The following NXN variants were observed in gnomAD, a reference collection of about 807,000 sequenced individuals.
NXN encodes the protein nucleoredoxin 1.
Under a neutral mutation model 48.6 loss-of-function variants are expected in NXN, and 16 were observed. That is an observed-to-expected ratio of 0.33 (90% confidence interval 0.22 to 0.50). The LOEUF (loss-of-function observed/expected upper bound fraction) is 0.50, where lower values mean the gene tolerates loss of function less well. Ranked by LOEUF, NXN falls within the 20% of genes least tolerant of loss-of-function variation. The pLI is 0.98. For synonymous variants in NXN, 281 were observed against 269.6 expected (o/e 1.04, Z -0.41); for missense variants, 492 against 605.5 (o/e 0.81, Z 1.97).
chr17:904,325 G>T (rs1460789227), intron 1 of NXN, among the ~76,000 whole-genome samples: 1 of 152,138 alleles, frequency 6.6e-6, no homozygotes, highest in Non-Finnish European at 1.5e-5. Flanking sequence ...CGACAGACTG[G>T]CCCCAGTTTT....
intron 7 of NXN, 140 bp downstream of exon 7, chr17:803,542 A>G: frequency 9.6e-7 from 1 of 1,041,718 alleles, no homozygotes; most frequent in Non-Finnish European, 1.4e-6. Context: ...TTTCCTTGCC[A>G]CATTTGTCTG....
intron 1 of NXN, among the ~76,000 whole-genome samples, chr17:973,256 C>T (rs1315278173): frequency 1.3e-5 from 2 of 152,134 alleles, no homozygotes; most frequent in Admixed American, 6.5e-5. Flanking sequence ...AGAGCTGGGA[C>T]GGGAGGCAGG....
intron 1 of NXN, among the ~76,000 whole-genome samples, chr17:869,230 A>C (rs948687460): frequency 1.8e-4 from 27 of 152,258 alleles, no homozygotes; most frequent in African/African-American, 6.5e-4. Context: ...GGCAGCCCTT[A>C]CACACCCTGG....
intron 1 of NXN, among the ~76,000 whole-genome samples, chr17:975,813 C>T (rs1419690132): frequency 2.0e-5 from 3 of 152,188 alleles, no homozygotes; most frequent in South Asian, 2.1e-4. Context: ...CCAGTCTTGA[C>T]GAGTGAGTAA....
chr17:813,509 C>A (rs975421989), intron 5 of NXN, among the ~76,000 whole-genome samples: 5 of 152,240 alleles, frequency 3.3e-5, no homozygotes, highest in Admixed American at 1.3e-4. Context: ...AAGTGATATC[C>A]CTGGAATGAT....
intron 1 of NXN, among the ~76,000 whole-genome samples, chr17:934,974 C>T (rs114283241): frequency 0.015 from 2,046 of 140,448 alleles, 51 homozygotes; most frequent in African/African-American, 0.046. Context: ...TTTTGCTGTG[C>T]TCTTTATTTT....
chr17:864,403 G>A (rs976329531), intron 1 of NXN, among the ~76,000 whole-genome samples: 1 of 152,214 alleles, frequency 6.6e-6, no homozygotes, highest in Admixed American at 6.5e-5. Context: ...GTGTTCCCTA[G>A]TTCCATGTCC....
At chr17:898,059 A>T (rs1002100185) in intron 1 of NXN, among the ~76,000 whole-genome samples, 2 of 152,174 alleles carry the variant, frequency 1.3e-5, no homozygotes, top group Admixed American at 6.5e-5. Flanking sequence ...AGCAATGCTT[A>T]ATTTTCAAGT....
At chr17:858,598 G>C (rs1229632151) in intron 1 of NXN, among the ~76,000 whole-genome samples, 1 of 151,996 alleles carries the variant, frequency 6.6e-6, no homozygotes, top group African/African-American at 2.4e-5. Context: ...CATGGTGGCG[G>C]GCGCCTGTAG....
rs549173731 is a variant in NXN at position 863,248 on chromosome 17, G to A, written c.361-37170C>T. Among the ~76,000 whole-genome samples, 13 of 152,266 alleles carry A rather than the reference G, an allele frequency of 8.5e-5. No homozygotes were observed. The East Asian group carries it at 2.3e-3, about 27-fold the overall frequency. On this transcript the variant is annotated intron_variant, in intron 1 of 7. Coordinates refer to ENST00000336868, the MANE Select transcript of NXN (RefSeq NM_022463.5). ...TGCAGTGGCGCGATCTCAGCTCACT[G>A]CAACCTCCACCTGGGTTCAAGTGAT...
At chr17:864,225 C>T in intron 1 of NXN, 1 of 1,245,822 alleles carries the variant, frequency 8.0e-7, no homozygotes, top group South Asian at 1.5e-5. Context: ...ATTCATGGTA[C>T]TTGTCTTCAA....
At chr17:827,165 G>A (rs555602060) in intron 1 of NXN, among the ~76,000 whole-genome samples, 156 of 152,176 alleles carry the variant, frequency 1.0e-3, no homozygotes, top group Non-Finnish European at 1.9e-3. Context: ...GCAACATGGT[G>A]GAACCCCGTC....
chr17:812,346 A>C (rs1471296853), intron 5 of NXN, among the ~76,000 whole-genome samples: 1 of 152,210 alleles, frequency 6.6e-6, no homozygotes, highest in Admixed American at 6.5e-5. Flanking sequence ...GGCCAGGTGG[A>C]GGCGGCTCCC....
intron 1 of NXN, among the ~76,000 whole-genome samples, chr17:886,483 A>C (rs1209427052): frequency 6.6e-6 from 1 of 152,184 alleles, no homozygotes. Context: ...GCTCCACGGG[A>C]ACCAACACCG....
intron 1 of NXN, among the ~76,000 whole-genome samples, chr17:835,616 A>C (rs1179002195): frequency 6.6e-6 from 1 of 152,176 alleles, no homozygotes; most frequent in Non-Finnish European, 1.5e-5. Context: ...AATGAAACAC[A>C]TATCAAAAGG....
intron 5 of NXN, among the ~76,000 whole-genome samples, chr17:806,121 G>A (rs1043238787): frequency 8.6e-5 from 13 of 150,316 alleles, no homozygotes; most frequent in Admixed American, 5.9e-4. Flanking sequence ...AGCCCCCGCC[G>A]TCTGCACCCC....
chr17:809,606 AC>A (rs1006350071), intron 5 of NXN, among the ~76,000 whole-genome samples: 82 of 152,290 alleles, frequency 5.4e-4, no homozygotes, highest in African/African-American at 1.9e-3. Context: ...AGGAGGAATT[AC>A]CCAAAGATTG....
At position 825,363 on chromosome 17, in the gene NXN, G is replaced by A. The variant is rs972956337; in HGVS notation, c.478+598C>T. Among the ~76,000 whole-genome samples the A allele has an allele frequency of 1.3e-5, 2 of 152,212 alleles. No homozygotes were observed. The highest frequency in any genetic ancestry group is 2.9e-5 in the Non-Finnish European group (2 of 68,042). On this transcript the variant is annotated intron_variant, in intron 2 of 7. Transcript: ENST00000336868. The surrounding 1 kb of genome is among the most constrained non-coding windows in gnomAD (Gnocchi z 4.1). ...TGAATCTTCTCACTGGACGGATTAA[G>A]TGAGGGGAGGAGATCTCACAGCCCT... is the stretch of plus-strand genomic sequence containing the variant.
intron 1 of NXN, among the ~76,000 whole-genome samples, chr17:916,723 G>A (rs1337461035): frequency 6.6e-6 from 1 of 152,108 alleles, no homozygotes; most frequent in Non-Finnish European, 1.5e-5. Context: ...TGGATCACCT[G>A]AGGTCTCCAC....
Sources: allele counts gnomAD v4.1 joint callset (sites outside exome capture counted in the v4.1 genomes callset), GRCh38; gene constraint gnomAD v4.1.1; non-coding constraint Gnocchi (gnomAD v3.1); transcripts MANE v1.5; gene names NCBI Gene and HGNC (gene_info 2026-07-23, HGNC 2026-07-21).